KALRN: variants seen among roughly 807,000 people sequenced by gnomAD.
The protein encoded by KALRN is kalirin.
KALRN carries 70 observed loss-of-function variants against 353.7 expected under a neutral mutation model. That is an observed-to-expected ratio of 0.20 (90% CI 0.16 to 0.24). KALRN has a LOEUF of 0.24. Ranked by LOEUF, KALRN falls within the 10% of genes least tolerant of loss-of-function variation. The pLI is 1.00. For synonymous variants in KALRN, 1,391 were observed against 1,434.8 expected (o/e 0.97, Z 0.69); for missense variants, 2,791 against 3,756.7 (o/e 0.74, Z 6.72).
At chr3:124,143,802 G>T (rs1437908976) in intron 1 of KALRN, among the ~76,000 whole-genome samples, 1 of 152,170 alleles carries the variant, frequency 6.6e-6, no homozygotes, top group Non-Finnish European at 1.5e-5. Flanking sequence ...AGGCTCTAAT[G>T]TATATTTGTT....
intron 38 of KALRN, among the ~76,000 whole-genome samples, chr3:124,651,637 CTTTTTTT>C (rs66520052): frequency 7.7e-6 from 1 of 130,472 alleles, no homozygotes; most frequent in Admixed American, 7.7e-5. Context: ...TCTTTTCTAT[CTTTTTTT>C]TTTTTTTTTT....
chr3:124,322,811 G>A (rs113549218), intron 6 of KALRN, among the ~76,000 whole-genome samples: 75 of 152,248 alleles, frequency 4.9e-4, no homozygotes, highest in African/African-American at 1.7e-3. Context: ...TGTGGCTGTC[G>A]TTGTACCTAG....
At chr3:124,045,068 G>A (rs2040352275) in intron 1 of KALRN, among the ~76,000 whole-genome samples, 1 of 152,098 alleles carries the variant, frequency 6.6e-6, no homozygotes, top group South Asian at 2.1e-4. Flanking sequence ...CCCAGCCCAG[G>A]GACAATGGGC....
At chr3:124,211,793 C>A (rs1241132757) in intron 1 of KALRN, among the ~76,000 whole-genome samples, 1 of 152,128 alleles carries the variant, frequency 6.6e-6, no homozygotes, top group Admixed American at 6.5e-5. Context: ...GTGGTGGCAA[C>A]ACAAGTGGAG....
intron 1 of KALRN, among the ~76,000 whole-genome samples, chr3:124,199,769 T>G (rs1243604464): frequency 6.6e-6 from 1 of 152,106 alleles, no homozygotes; most frequent in African/African-American, 2.4e-5. Context: ...GATGGGTAAT[T>G]GTAGAAGCTT....
At chr3:124,084,995 C>A (rs1389501999) in intron 1 of KALRN, among the ~76,000 whole-genome samples, 1 of 152,202 alleles carries the variant, frequency 6.6e-6, no homozygotes, top group Admixed American at 6.5e-5. Context: ...GATAGACGTA[C>A]CATGTAACGA....
intron 9 of KALRN, among the ~76,000 whole-genome samples, chr3:124,346,602 G>A (rs975271641): frequency 5.9e-5 from 9 of 152,208 alleles, no homozygotes; most frequent in Admixed American, 1.3e-4. Flanking sequence ...CTAGTGGTCA[G>A]ATATCATGAG....
At chr3:124,666,850 T>C (rs1284382002) in intron 46 of KALRN, among the ~76,000 whole-genome samples, 162 bp from the exon 47 acceptor site, 1 of 152,210 alleles carries the variant, frequency 6.6e-6, no homozygotes, top group Non-Finnish European at 1.5e-5. Context: ...TTCCCTGGGA[T>C]CGTGTCACTC....
intron 2 of KALRN, among the ~76,000 whole-genome samples, chr3:124,231,000 A>G (rs965585640): frequency 3.9e-5 from 6 of 152,212 alleles, no homozygotes; most frequent in African/African-American, 1.4e-4. Context: ...TCTTTCTGAG[A>G]AGAAGAAAGC....
At chr3:124,317,115 A>G (rs941074070) in intron 6 of KALRN, among the ~76,000 whole-genome samples, 3 of 152,276 alleles carry the variant, frequency 2.0e-5, no homozygotes, top group East Asian at 1.9e-4. Flanking sequence ...CAAGGGCCCA[A>G]TGGGAAAGCT....
chr3:124,536,100 G>A (rs2068486718), intron 33 of KALRN, among the ~76,000 whole-genome samples: 1 of 151,840 alleles, frequency 6.6e-6, no homozygotes, highest in African/African-American at 2.4e-5. Context: ...GGGTAACAAT[G>A]TGTCTCCCCC....
chr3:124,713,771 A>G (rs1031995596), intron 58 of KALRN, among the ~76,000 whole-genome samples: 3 of 152,222 alleles, frequency 2.0e-5, no homozygotes, highest in African/African-American at 4.8e-5. Flanking sequence ...GAGTCTTTTC[A>G]GAAGTGATAC....
chr3:124,132,443 G>T (rs1016297282), intron 1 of KALRN, among the ~76,000 whole-genome samples: 1 of 152,204 alleles, frequency 6.6e-6, no homozygotes, highest in African/African-American at 2.4e-5. Flanking sequence ...CCATCACTGG[G>T]AAGTGAGCAC....
At chr3:124,042,390 G>GAAAGAT (rs1333540940) in intron 1 of KALRN, among the ~76,000 whole-genome samples, 1 of 152,190 alleles carries the variant, frequency 6.6e-6, no homozygotes, top group East Asian at 1.9e-4. Context: ...GACATGATCA[G>GAAAGAT]AAAGATAAAT....
chr3:124,311,197 C>T lies in KALRN; in HGVS notation c.1092+12284C>T, dbSNP rs139039861. Among the ~76,000 whole-genome samples, 21 of 150,648 alleles carry T rather than the reference C, an allele frequency of 1.4e-4. No homozygotes were observed. In the East Asian group the frequency reaches 4.0e-3, roughly 28 times the overall value. The stretch of plus-strand genomic sequence containing the variant: ...AACTCTGGACAGGCGCAGTGGCTCA[C>T]GCCTATAATCGCAGCACTTTGGGAG... On this transcript the variant is annotated intron_variant, in intron 6 of 59. Transcript: ENST00000682506.
Position 124,637,285 on chromosome 3 carries a change from G to T in KALRN, c.5646G>T (p.Lys1882Asn). The T allele has an allele frequency of 6.2e-7, 1 of 1,614,146 alleles. No individual in the cohort carries two copies. Among genetic ancestry groups the T allele is most frequent in the African/African-American group, 1.3e-5 (1 of 75,040 alleles). The change falls in exon 37 of 60, where the codon AAG becomes AAT. Residue 1882 changes from lysine (K) to asparagine (N), a missense_variant. By Grantham distance (94) the Lys-to-Asn change is moderately conservative. Transcript: ENST00000682506. ...TAADLVNAIE[K>N]LVKNKLSLEG... is the part of the protein sequence containing the mutation. ...CAGACCTTGTCAATGCAATAGAAAAGTTGGTCAAAAACAAGCTGGTAAGTG... is the reference window on the plus strand; with the variant it reads ...CAGACCTTGTCAATGCAATAGAAAATTTGGTCAAAAACAAGCTGGTAAGTG...
At position 124,659,356 on chromosome 3, in the gene KALRN, G is replaced by A. The variant is rs781629940; in HGVS notation, c.6124-9G>A. 2 of 1,598,836 alleles carry A rather than the reference G, an allele frequency of 1.3e-6. No individual in the cohort carries two copies. The highest frequency in any genetic ancestry group is 8.6e-7 in the Non-Finnish European group (1 of 1,166,150). Reference sequence around the variant, plus strand: ...CCTTTTTCTTCTAATATTGCTGCCTGTGTTTCAGGAGGTAAAACAGGAGAT... The same window carrying A: ...CCTTTTTCTTCTAATATTGCTGCCTATGTTTCAGGAGGTAAAACAGGAGAT... On this transcript the variant is annotated splice_polypyrimidine_tract_variant and intron_variant, in intron 42 of 59. Coordinates refer to ENST00000682506, the MANE Select transcript of KALRN (RefSeq NM_001388419.1).
chr3:124,495,979 A>ATG lies in KALRN; in HGVS notation c.4833-331_4833-330insGT, dbSNP rs1561136362. Among the ~76,000 whole-genome samples, 23 of 30,812 alleles carry ATG rather than the reference A, an allele frequency of 7.5e-4. 1 individual carries two copies. The highest frequency in any genetic ancestry group is 3.2e-3 in the African/African-American group (19 of 6,020). The allele number at this position is 30,812 out of a possible 152,430, so 20.2% of individuals were successfully genotyped here. The stretch of plus-strand genomic sequence containing the variant: ...TGTGTATGTATGTATATATATATAT[A>ATG]TATATATATATATATATATATATAT... On this transcript the variant is annotated intron_variant, in intron 32 of 59. Transcript: ENST00000682506.
intron 33 of KALRN, among the ~76,000 whole-genome samples, chr3:124,503,318 C>A (rs1338817816): frequency 1.3e-5 from 2 of 152,088 alleles, no homozygotes; most frequent in African/African-American, 4.8e-5. Flanking sequence ...CAGTCACATC[C>A]CACACCTGAC....
Sources: gnomAD v4.1 joint callset for allele counts (sites outside exome capture counted in the v4.1 genomes callset) on GRCh38, gnomAD v4.1.1 for gene constraint, MANE v1.5 for transcripts, NCBI Gene and HGNC (gene_info 2026-07-23, HGNC 2026-07-21) for gene names.